MXI1: variants seen among roughly 807,000 people sequenced by gnomAD.
MXI1 encodes the protein MAX interactor 1, dimerization protein, also known as max-interacting protein 1.
MXI1 carries 18 observed loss-of-function variants against 36.9 expected under a neutral mutation model. That is an observed-to-expected ratio of 0.49 (90% CI 0.34 to 0.72). The LOEUF is 0.72. Among genes scored for constraint, MXI1 ranks in the 30% least tolerant of loss-of-function variants. MXI1 has a pLI of 0.01. For synonymous variants in MXI1, 160 were observed against 146.7 expected, an observed-to-expected ratio of 1.09 and a Z score of -0.65; for missense variants, 304 against 379.1, an observed-to-expected ratio of 0.80 and a Z score of 1.64.
At chr10:110,210,421 A>C in intron 1 of MXI1, 1 of 413,108 alleles carries the variant, frequency 2.4e-6, no homozygotes, top group Non-Finnish European at 3.3e-6. Flanking sequence ...TTTGGCTCTA[A>C]ATGACGTGAT....
At chr10:110,237,248 G>A (rs1855506585) in intron 2 of MXI1, among the ~76,000 whole-genome samples, 1 of 152,252 alleles carries the variant, frequency 6.6e-6, no homozygotes, top group East Asian at 1.9e-4. Context: ...CTGGATAGAA[G>A]TGATGAGAGT....
intron 3 of MXI1, among the ~76,000 whole-genome samples, chr10:110,276,847 T>TC (rs1857052375): frequency 6.6e-6 from 1 of 151,250 alleles, no homozygotes. Flanking sequence ...TCTTTTCTTT[T>TC]TTTTTTTTTT....
rs545607914 is a variant in MXI1, at chr10:110,277,620, T to C, written c.438-1560T>C. 8.5e-5 allele frequency among the ~76,000 whole-genome samples: 13 copies of C among 152,340 alleles called. No homozygotes were observed. In the South Asian group the frequency reaches 1.2e-3, roughly 15 times the overall value. On this transcript the variant is annotated intron_variant, in intron 3 of 5. Coordinates refer to ENST00000332674, the MANE Select transcript of MXI1 (RefSeq NM_130439.3). ...GTTAAATATCATTAAGGAGAATCCATTGATATACCTTTGATTTAGGGATTC... is the reference window on the plus strand; with the variant it reads ...GTTAAATATCATTAAGGAGAATCCACTGATATACCTTTGATTTAGGGATTC...
chr10:110,244,209 T>C (rs1224378196), intron 2 of MXI1, among the ~76,000 whole-genome samples: 2 of 152,130 alleles, frequency 1.3e-5, no homozygotes, highest in Non-Finnish European at 2.9e-5. Context: ...TAACCATTGC[T>C]AACATTTCGA....
chr10:110,238,963 GTATTT>G (rs1855568913), intron 2 of MXI1, among the ~76,000 whole-genome samples: 1 of 152,090 alleles, frequency 6.6e-6, no homozygotes, highest in Non-Finnish European at 1.5e-5. Flanking sequence ...TGTAATTTTT[GTATTT>G]TATTCTTCAT....
At chr10:110,248,833 T>G (rs1479152839) in intron 3 of MXI1, among the ~76,000 whole-genome samples, 1 of 152,152 alleles carries the variant, frequency 6.6e-6, no homozygotes, top group Non-Finnish European at 1.5e-5. Flanking sequence ...CAAGATATAT[T>G]TGTTTTTAAA....
chr10:110,248,395 C>G (rs1484659848), intron 3 of MXI1, among the ~76,000 whole-genome samples: 1 of 152,046 alleles, frequency 6.6e-6, no homozygotes, highest in African/African-American at 2.4e-5. Flanking sequence ...CAGATTATTT[C>G]TGACTCATTG....
At chr10:110,231,371 C>A (rs4917555) in intron 2 of MXI1, among the ~76,000 whole-genome samples, 33,100 of 149,596 alleles carry the variant, frequency 0.22, 4,640 homozygotes, top group African/African-American at 0.36. Context: ...CACCCCCCCC[C>A]CCTCAAAAAA....
rs200181611 is a variant in MXI1 at position 110,215,043 on chromosome 10, G to GTTT, written c.274+6975_274+6977dup. Among the ~76,000 whole-genome samples, 59 of 78,884 alleles carry GTTT rather than the reference G, an allele frequency of 7.5e-4. No homozygotes were observed. In the East Asian group the frequency reaches 0.011, roughly 15 times the overall value. 51.8% of individuals were successfully genotyped at this position (78,884 alleles called of 152,430 possible). On this transcript the variant is annotated intron_variant, in intron 1 of 5. Coordinates refer to ENST00000332674, the MANE Select transcript of MXI1 (RefSeq NM_130439.3). ...CTGCTCCACTTCAGTTTTTTTTTTT[G>GTTT]TTTTTTTTTTTTTTTTGAGATGGAG...
At chr10:110,272,518 C>T (rs1856886902) in intron 3 of MXI1, among the ~76,000 whole-genome samples, 1 of 151,986 alleles carries the variant, frequency 6.6e-6, no homozygotes, top group African/African-American at 2.4e-5. Flanking sequence ...GTGTTGAATA[C>T]CTCTAGAGGT....
At position 110,248,012 on chromosome 10, in the gene MXI1, G is replaced by A. The variant is rs61882784; in HGVS notation, c.437+3155G>A. On this transcript the variant is annotated intron_variant, in intron 3 of 5. Transcript: ENST00000332674. ...CATATACACCATGGAATACTATGCA[G>A]CCATAAAAAATGATGAGTTCATGTC... is the stretch of plus-strand genomic sequence containing the variant. 8.8e-3 allele frequency among the ~76,000 whole-genome samples: 1,337 copies of A among 152,098 alleles called. 18 individuals are homozygous for A. Among genetic ancestry groups the A allele is most frequent in the Middle Eastern group, 0.058 (17 of 294 alleles).
chr10:110,249,934 G>A (rs529803062), intron 3 of MXI1, among the ~76,000 whole-genome samples: 2 of 152,140 alleles, frequency 1.3e-5, no homozygotes, highest in African/African-American at 2.4e-5. Flanking sequence ...AAACAAAACC[G>A]TGAGATTGTT....
At chr10:110,222,484 G>A (rs945740003) in intron 1 of MXI1, among the ~76,000 whole-genome samples, 18 of 152,194 alleles carry the variant, frequency 1.2e-4, no homozygotes, top group Admixed American at 6.5e-5. Context: ...TAAGTAAACT[G>A]TGCTGAGAAA....
rs774173277 is a variant in MXI1 at position 110,226,204 on chromosome 10, G to C, written c.275-1985G>C. On this transcript the variant is annotated intron_variant, in intron 1 of 5. Coordinates refer to ENST00000332674, the MANE Select transcript of MXI1 (RefSeq NM_130439.3). ...CGGAGAGGCGCCGGTCGCCACCCGC[G>C]GTGCCCATGGAGCGGGTGAAGATGA... The C allele has an allele frequency of 1.6e-5, 24 of 1,473,786 alleles. No homozygotes were observed. The African/African-American group carries it at 2.3e-4, about 14-fold the overall frequency. The allele number at this position is 1,473,786 out of a possible 1,614,324, so 91.3% of individuals were successfully genotyped here.
rs1473198169 is a variant in MXI1, at chr10:110,276,317, ATT to A, written c.438-2861_438-2860del. Among the ~76,000 whole-genome samples the A allele has an allele frequency of 2.0e-5, 3 of 152,152 alleles. No individual in the cohort carries two copies. The South Asian group carries it at 6.2e-4, about 32-fold the overall frequency. The stretch of plus-strand genomic sequence containing the variant: ...TACCTCCTCCAATTACAATCTCTCC[ATT>A]TATTCAGATTTTTTCAATTTTATGT... On this transcript the variant is annotated intron_variant, in intron 3 of 5. Transcript: ENST00000332674.
chr10:110,228,052 TA>T, intron 1 of MXI1, 136 bp from the exon 2 acceptor site: 1 of 957,250 alleles, frequency 1.0e-6, no homozygotes, highest in Non-Finnish European at 1.6e-6. Context: ...ATTAATTTTC[TA>T]ACCAAAAAGA....
chr10:110,207,831 G>A lies in MXI1; in HGVS notation c.23G>A (p.Arg8His). 2 of 1,123,808 alleles carry A rather than the reference G, an allele frequency of 1.8e-6. No homozygotes were observed. Among genetic ancestry groups the A allele is most frequent in the Non-Finnish European group, 2.2e-6 (2 of 919,804 alleles). 69.6% of individuals were successfully genotyped at this position (1,123,808 alleles called of 1,614,324 possible). MGKRGRP[R>H]KEARCEGAGL... ...TCCATGGGCAAACGCGGGCGGCCGC[G>A]CAAGGAGGCGCGCTGCGAGGGCGCG... Residue 8 changes from arginine to histidine, a missense_variant, in exon 1 of 6, where the codon CGC becomes CAC. By Grantham distance (29) the Arg-to-His change is conservative (BLOSUM62 0). Around this residue, in one of 2 missense-constraint regions of MXI1, gnomAD observed 179 missense variants for 184.8 expected, o/e 0.97. Coordinates refer to ENST00000332674, the MANE Select transcript of MXI1 (RefSeq NM_130439.3).
At chr10:110,249,722 A>G (rs1466298488) in intron 3 of MXI1, among the ~76,000 whole-genome samples, 1 of 152,190 alleles carries the variant, frequency 6.6e-6, no homozygotes, top group Non-Finnish European at 1.5e-5. Context: ...GTAAAGTTAA[A>G]TATGGAATTG....
intron 2 of MXI1, among the ~76,000 whole-genome samples, chr10:110,241,195 A>T (rs1223320106): frequency 6.6e-6 from 1 of 151,916 alleles, no homozygotes; most frequent in Non-Finnish European, 1.5e-5. Context: ...GAAAAAGATT[A>T]CCTGTGATTC....
Sources: gnomAD v4.1 joint callset for allele counts (sites outside exome capture counted in the v4.1 genomes callset) on GRCh38, gnomAD v4.1.1 for gene constraint, gnomAD v4.1.1 regional missense constraint, MANE v1.5 for transcripts, NCBI Gene and HGNC (gene_info 2026-07-23, HGNC 2026-07-21) for gene names.